The following ME1 variants were observed in gnomAD, a reference collection of about 807,000 sequenced individuals.
ME1 encodes the protein NADP-dependent malic enzyme.
In ME1, 74 loss-of-function variants were observed where a neutral mutation model predicts 66.4. That is an observed-to-expected ratio of 1.11 (90% CI 0.92 to 1.35). ME1 has a LOEUF of 1.35. Among genes scored for constraint, ME1 ranks in the 40% most tolerant of loss-of-function variants. The probability of loss-of-function intolerance (pLI) is 0.00; values close to 1 mark genes in which losing one functional copy is unlikely to be tolerated. For synonymous variants in ME1, 251 were observed against 235.6 expected (o/e 1.07, Z -0.60); for missense variants, 750 against 694.1 (o/e 1.08, Z -0.90).
intron 9 of ME1, 29 bp from the exon 10 acceptor site, chr6:83,228,960 G>T (rs767045333): frequency 9.5e-6 from 14 of 1,471,748 alleles, no homozygotes; most frequent in Non-Finnish European, 1.2e-5. Context: ...AAAAAATTAA[G>T]AATCTGCCAA....
At chr6:83,229,407 A>T (rs1294428622) in intron 9 of ME1, among the ~76,000 whole-genome samples, 2 of 152,096 alleles carry the variant, frequency 1.3e-5, no homozygotes, top group East Asian at 3.8e-4. Context: ...TATGCATTTT[A>T]TATGTTTTTG....
At chr6:83,301,057 G>C (rs919632967) in intron 6 of ME1, among the ~76,000 whole-genome samples, 2 of 152,118 alleles carry the variant, frequency 1.3e-5, no homozygotes, top group African/African-American at 4.8e-5. Flanking sequence ...GGGATGGGGG[G>C]AGTGGGGAGG....
intron 3 of ME1, among the ~76,000 whole-genome samples, chr6:83,378,782 T>C (rs1301413615): frequency 6.6e-6 from 1 of 151,780 alleles, no homozygotes; most frequent in African/African-American, 2.4e-5. Context: ...AATACATAAA[T>C]GAGACTTTCA....
intron 6 of ME1, among the ~76,000 whole-genome samples, chr6:83,303,731 A>G (rs1222182544): frequency 1.3e-5 from 2 of 152,154 alleles, no homozygotes; most frequent in African/African-American, 2.4e-5. Context: ...CTAAAGTTGG[A>G]ACACTTTAGA....
chr6:83,216,985 C>G (rs1790005852), intron 12 of ME1, among the ~76,000 whole-genome samples: 2 of 152,146 alleles, frequency 1.3e-5, no homozygotes, highest in Non-Finnish European at 2.9e-5. Flanking sequence ...CTATCCAAGG[C>G]TAAGCATGCC....
chr6:83,387,260 A>G (rs1478026160), intron 3 of ME1, among the ~76,000 whole-genome samples: 1 of 152,214 alleles, frequency 6.6e-6, no homozygotes, highest in Non-Finnish European at 1.5e-5. Context: ...CAAGAACAAT[A>G]TGAAAGTTTC....
intron 6 of ME1, among the ~76,000 whole-genome samples, chr6:83,256,592 G>A (rs1415358627): frequency 1.3e-5 from 2 of 152,160 alleles, no homozygotes; most frequent in African/African-American, 2.4e-5. Context: ...CACTGTTAAT[G>A]GGAGTGTTAA....
chr6:83,388,777 G>A (rs1458773456), intron 3 of ME1, among the ~76,000 whole-genome samples: 1 of 152,116 alleles, frequency 6.6e-6, no homozygotes, highest in African/African-American at 2.4e-5. Flanking sequence ...CCAGCAAACT[G>A]TTGTATTAGC....
chr6:83,264,562 G>A (rs1217673224), intron 6 of ME1, among the ~76,000 whole-genome samples: 1 of 152,134 alleles, frequency 6.6e-6, no homozygotes, highest in African/African-American at 2.4e-5. Flanking sequence ...TGTGATTCAT[G>A]GAAGGAGGTC....
At chr6:83,233,045 G>A (rs2128524673) in intron 9 of ME1, among the ~76,000 whole-genome samples, 1 of 152,162 alleles carries the variant, frequency 6.6e-6, no homozygotes, top group East Asian at 1.9e-4. Flanking sequence ...AGTTCTGTCA[G>A]CATTAATTTC....
chr6:83,396,971 A>T (rs926242430), intron 3 of ME1, among the ~76,000 whole-genome samples: 4 of 152,078 alleles, frequency 2.6e-5, no homozygotes, highest in African/African-American at 9.7e-5. Flanking sequence ...ATTTCACACC[A>T]TATTAAAAAA....
chr6:83,223,845 G>A lies in ME1; in HGVS notation c.1364C>T (p.Ser455Phe). 6.2e-7 allele frequency: 1 copy of A among 1,613,956 alleles called. No homozygotes were observed. The change falls in exon 12 of 14, where the codon TCC becomes TTC. Residue 455 changes from serine to phenylalanine, a missense_variant. Physicochemically the swap from Ser to Phe is radical, Grantham distance 155 (BLOSUM62 -2). Coordinates refer to ENST00000369705, the MANE Select transcript of ME1 (RefSeq NM_002395.6). ...AAGAGCAACTCCAGGGAACACATAG[G>A]AATTGTTGCCTTGGCCAGGATATAG... ...QTLYPGQGNN[S>F]YVFPGVALGV...
intron 6 of ME1, among the ~76,000 whole-genome samples, chr6:83,259,668 A>G (rs545193519): frequency 2.0e-5 from 3 of 152,308 alleles, no homozygotes; most frequent in Admixed American, 6.5e-5. Flanking sequence ...TTCAAATTCA[A>G]TTCTTCTTTG....
intron 4 of ME1, among the ~76,000 whole-genome samples, chr6:83,348,393 G>T (rs1233613703): frequency 6.6e-6 from 1 of 152,066 alleles, no homozygotes; most frequent in Non-Finnish European, 1.5e-5. Context: ...TTATGAATGT[G>T]ATCTTTACAT....
chr6:83,279,606 A>G (rs920233511), intron 6 of ME1, among the ~76,000 whole-genome samples: 2 of 152,162 alleles, frequency 1.3e-5, no homozygotes, highest in Non-Finnish European at 2.9e-5. Context: ...AAAGAGAAAA[A>G]AGAGAGAGAG....
chr6:83,342,611 G>A (rs12525351), intron 5 of ME1, among the ~76,000 whole-genome samples: 1 of 152,134 alleles, frequency 6.6e-6, no homozygotes, highest in Non-Finnish European at 1.5e-5. Flanking sequence ...TAGGGTACAC[G>A]TGATACTTGG....
chr6:83,363,332 C>T (rs1293334426), intron 3 of ME1, among the ~76,000 whole-genome samples: 3 of 152,124 alleles, frequency 2.0e-5, no homozygotes, highest in African/African-American at 4.8e-5. Context: ...AGTCAACAGG[C>T]TAAGAATGGA....
chr6:83,305,329 T>C (rs1425519315), intron 6 of ME1, among the ~76,000 whole-genome samples: 3 of 152,034 alleles, frequency 2.0e-5, no homozygotes, highest in African/African-American at 7.2e-5. Context: ...TGAATAATGG[T>C]AATAAGTGGT....
chr6:83,404,074 C>T (rs531611137), intron 2 of ME1, among the ~76,000 whole-genome samples: 8 of 152,242 alleles, frequency 5.3e-5, no homozygotes, highest in African/African-American at 1.9e-4. Flanking sequence ...CTTGAGGAAT[C>T]GCCACACTGT....
Sources: allele counts gnomAD v4.1 joint callset (sites outside exome capture counted in the v4.1 genomes callset), GRCh38; gene constraint gnomAD v4.1.1; transcripts MANE v1.5; gene names NCBI Gene and HGNC (gene_info 2026-07-23, HGNC 2026-07-21).